The following BCKDHB variants were observed in gnomAD, a reference collection of about 807,000 sequenced individuals.
BCKDHB encodes branched chain keto acid dehydrogenase E1 subunit beta.
In BCKDHB, 41 loss-of-function variants were observed where a neutral mutation model predicts 48.5. The ratio of observed to expected loss-of-function variants is 0.85; its 90% CI spans 0.66 to 1.10. The LOEUF (loss-of-function observed/expected upper bound fraction) is 1.10, where lower values mean the gene tolerates loss of function less well. Ranked by LOEUF, BCKDHB falls within the 50% of genes least tolerant of loss-of-function variation. BCKDHB has a pLI of 0.00. For synonymous variants in BCKDHB, 201 were observed against 174.8 expected (o/e 1.15, Z -1.18); for missense variants, 496 against 494.2 (o/e 1.00, Z -0.03).
At chr6:80,281,759 C>G (rs985727321) in intron 9 of BCKDHB, among the ~76,000 whole-genome samples, 1 of 152,128 alleles carries the variant, frequency 6.6e-6, no homozygotes, top group East Asian at 1.9e-4. Context: ...TCCCTGTCCT[C>G]ATTCTCTCCC....
intron 8 of BCKDHB, among the ~76,000 whole-genome samples, chr6:80,267,026 G>A (rs756645751): frequency 2.0e-5 from 3 of 151,782 alleles, no homozygotes; most frequent in African/African-American, 7.3e-5. Context: ...TCAAAACAAA[G>A]AAACAAAGAT....
chr6:80,383,504 C>A, the BCKDHB span, among the ~76,000 whole-genome samples: 1 of 151,988 alleles, frequency 6.6e-6, no homozygotes, highest in Non-Finnish European at 1.5e-5. Context: ...TTAAATGATC[C>A]TGTGCATAAC....
the BCKDHB span, among the ~76,000 whole-genome samples, chr6:80,463,680 G>T: frequency 3.9e-5 from 6 of 152,156 alleles, no homozygotes; most frequent in South Asian, 1.0e-3. Context: ...GAAAGAAAGT[G>T]GTTTGGCTAT....
rs143662520 is a variant in BCKDHB, at chr6:80,204,954, A to G, written c.951+1742A>G. On this transcript the variant is annotated intron_variant, in intron 8 of 9. Transcript: ENST00000320393. ...ATGAAAGAGGAGACAAGCGATCTCT[A>G]CTGAATGAGAAAGTGATGCATCAGA... Among the ~76,000 whole-genome samples, 238 of 152,188 alleles carry G rather than the reference A, an allele frequency of 1.6e-3. 2 individuals carry two copies. Among genetic ancestry groups the G allele is most frequent in the African/African-American group, 5.5e-3 (227 of 41,550 alleles).
At chr6:80,313,437 T>C (rs1768267981) in intron 9 of BCKDHB, among the ~76,000 whole-genome samples, 1 of 152,088 alleles carries the variant, frequency 6.6e-6, no homozygotes, top group Non-Finnish European at 1.5e-5. Context: ...CTCAGCTCAC[T>C]GCAACCTCTG....
chr6:80,459,326 G>A, the BCKDHB span, among the ~76,000 whole-genome samples: 37 of 152,040 alleles, frequency 2.4e-4, no homozygotes, highest in Non-Finnish European at 3.8e-4. Flanking sequence ...TCTTTAAGAT[G>A]CAATAATATG....
the BCKDHB span, among the ~76,000 whole-genome samples, chr6:80,418,899 C>T: frequency 3.3e-5 from 5 of 152,212 alleles, no homozygotes; most frequent in South Asian, 2.1e-4. Flanking sequence ...TGATTGTGTG[C>T]GTAGTTTTCC....
intron 8 of BCKDHB, among the ~76,000 whole-genome samples, chr6:80,230,329 C>T (rs1044527097): frequency 5.9e-5 from 9 of 152,026 alleles, no homozygotes; most frequent in Middle Eastern, 3.4e-3. Context: ...TGAGCCACCG[C>T]GCCTGGCCAG....
the BCKDHB span, among the ~76,000 whole-genome samples, chr6:80,368,227 C>G: frequency 2.0e-5 from 3 of 152,222 alleles, no homozygotes; most frequent in Non-Finnish European, 4.4e-5. Context: ...CATACCACAT[C>G]TAAAATAAAA....
At chr6:80,121,480 C>T (rs1450557317) in intron 1 of BCKDHB, among the ~76,000 whole-genome samples, 1 of 152,164 alleles carries the variant, frequency 6.6e-6, no homozygotes, top group Non-Finnish European at 1.5e-5. Flanking sequence ...CAAACAGATT[C>T]TTCTTATCCA....
At chr6:80,459,679 T>A in the BCKDHB span, among the ~76,000 whole-genome samples, 1 of 152,114 alleles carries the variant, frequency 6.6e-6, no homozygotes. Flanking sequence ...TAAATAGAAG[T>A]ATTTGGTACA....
At chr6:80,278,604 G>C (rs1778062809) in intron 9 of BCKDHB, among the ~76,000 whole-genome samples, 1 of 151,906 alleles carries the variant, frequency 6.6e-6, no homozygotes, top group Non-Finnish European at 1.5e-5. Context: ...CTGTCGCCCA[G>C]GCTGGAGTGC....
the BCKDHB span, among the ~76,000 whole-genome samples, chr6:80,409,281 G>A: frequency 6.6e-6 from 1 of 151,850 alleles, no homozygotes; most frequent in Non-Finnish European, 1.5e-5. Flanking sequence ...CATTTGCTGA[G>A]GAGTGTTTTA....
At chr6:80,117,724 C>T (rs1030349800) in intron 1 of BCKDHB, among the ~76,000 whole-genome samples, 1 of 152,252 alleles carries the variant, frequency 6.6e-6, no homozygotes, top group Non-Finnish European at 1.5e-5. Context: ...TAGCCCAGCC[C>T]ATCCCTTTGT....
At chr6:80,274,065 C>T (rs1302358819) in intron 9 of BCKDHB, among the ~76,000 whole-genome samples, 1 of 151,842 alleles carries the variant, frequency 6.6e-6, no homozygotes, top group Non-Finnish European at 1.5e-5. Flanking sequence ...TAGGGAATTC[C>T]TTTAAGAGTA....
the BCKDHB span, among the ~76,000 whole-genome samples, chr6:80,455,377 T>C: frequency 1.3e-5 from 2 of 151,860 alleles, no homozygotes; most frequent in Non-Finnish European, 2.9e-5. Context: ...TGGTCCTGAA[T>C]CTCACACATG....
At chr6:80,431,612 A>T in the BCKDHB span, among the ~76,000 whole-genome samples, 1 of 152,092 alleles carries the variant, frequency 6.6e-6, no homozygotes, top group Non-Finnish European at 1.5e-5. Context: ...GTTGGTTTAA[A>T]GTCTGTTTCA....
chr6:80,380,317 C>T, the BCKDHB span, among the ~76,000 whole-genome samples: 1 of 151,724 alleles, frequency 6.6e-6, no homozygotes, highest in African/African-American at 2.4e-5. Flanking sequence ...ATAAAGTTTA[C>T]AAAAATAAAC....
At chr6:80,375,816 G>A in the BCKDHB span, among the ~76,000 whole-genome samples, 2 of 152,152 alleles carry the variant, frequency 1.3e-5, no homozygotes, top group East Asian at 1.9e-4. Flanking sequence ...ATGGGCTACT[G>A]TTCAGATTCT....
Sources: allele counts gnomAD v4.1 joint callset (sites outside exome capture counted in the v4.1 genomes callset), GRCh38; gene constraint gnomAD v4.1.1; transcripts MANE v1.5; gene names NCBI Gene and HGNC (gene_info 2026-07-23, HGNC 2026-07-21).